The following LAMA2 variants were observed in gnomAD, a reference collection of about 807,000 sequenced individuals.
The protein encoded by LAMA2 is laminin subunit alpha-2.
Under a neutral mutation model 364.8 loss-of-function variants are expected in LAMA2, and 269 were observed. That is an observed-to-expected ratio of 0.74 (90% CI 0.67 to 0.82). LAMA2 has a LOEUF of 0.82. Among genes scored for constraint, LAMA2 ranks in the 40% least tolerant of loss-of-function variants. LAMA2 has a pLI of 0.00. For missense variants in LAMA2, 3,807 were observed against 3,873.2 expected (o/e 0.98, Z 0.45); for synonymous variants, 1,379 against 1,370.6 (o/e 1.01, Z -0.14).
chr6:129,217,793 G>A (rs988479817), intron 12 of LAMA2, among the ~76,000 whole-genome samples: 2 of 152,158 alleles, frequency 1.3e-5, no homozygotes, highest in African/African-American at 4.8e-5. Flanking sequence ...ACTGTGGATA[G>A]TCATTCATAG....
At chr6:128,961,359 ATATATATATT>A (rs1359956601) in intron 1 of LAMA2, among the ~76,000 whole-genome samples, 1 of 94,534 alleles carries the variant, frequency 1.1e-5, no homozygotes, top group African/African-American at 4.8e-5. Flanking sequence ...ATATATATAT[ATATATATATT>A]AGTTTATTAA....
At chr6:129,082,694 G>A (rs1774138664) in intron 3 of LAMA2, among the ~76,000 whole-genome samples, 1 of 151,912 alleles carries the variant, frequency 6.6e-6, no homozygotes, top group Non-Finnish European at 1.5e-5. Flanking sequence ...TGAATATCTT[G>A]AGACTAGCTT....
chr6:129,252,995 C>T (rs1224535019), intron 14 of LAMA2, among the ~76,000 whole-genome samples: 2 of 152,196 alleles, frequency 1.3e-5, no homozygotes. Flanking sequence ...GGAAAGTACT[C>T]ATCACCTAGA....
intron 40 of LAMA2, among the ~76,000 whole-genome samples, chr6:129,425,327 A>C (rs1781272150): frequency 6.6e-6 from 1 of 151,978 alleles, no homozygotes; most frequent in African/African-American, 2.4e-5. Flanking sequence ...CAATTTCCAC[A>C]ACTTAGATTT....
At chr6:129,021,532 T>G (rs1785450224) in intron 1 of LAMA2, among the ~76,000 whole-genome samples, 1 of 152,212 alleles carries the variant, frequency 6.6e-6, no homozygotes, top group Admixed American at 6.5e-5. Flanking sequence ...TTATTTTTCT[T>G]CAATTTGCTA....
At chr6:128,929,027 A>G in intron 1 of LAMA2, 1 of 1,418,980 alleles carries the variant, frequency 7.0e-7, no homozygotes, top group Non-Finnish European at 9.9e-7. Flanking sequence ...ATATGCATTC[A>G]AGAAGCCAAT....
At chr6:129,067,611 A>G (rs1027658173) in intron 3 of LAMA2, among the ~76,000 whole-genome samples, 1 of 152,198 alleles carries the variant, frequency 6.6e-6, no homozygotes, top group African/African-American at 2.4e-5. Context: ...AAAAGTCTCT[A>G]CTGGTTTTCC....
intron 10 of LAMA2, among the ~76,000 whole-genome samples, chr6:129,187,444 T>C (rs1344486795): frequency 6.6e-6 from 1 of 151,790 alleles, no homozygotes; most frequent in Non-Finnish European, 1.5e-5. Flanking sequence ...TGCCAATGTC[T>C]CACATTTTAT....
intron 40 of LAMA2, among the ~76,000 whole-genome samples, chr6:129,409,116 A>G (rs1454903346): frequency 2.0e-5 from 3 of 152,198 alleles, no homozygotes; most frequent in African/African-American, 7.2e-5. Flanking sequence ...CTTCCAAGCA[A>G]GTGCACAACC....
chr6:128,914,019 A>T (rs1778148145), intron 1 of LAMA2, among the ~76,000 whole-genome samples: 1 of 152,158 alleles, frequency 6.6e-6, no homozygotes, highest in Admixed American at 6.5e-5. Flanking sequence ...AGAAATGGAG[A>T]TATAAAAAAT....
At chr6:129,480,993 A>C (rs1784318558) in intron 54 of LAMA2, among the ~76,000 whole-genome samples, 1 of 152,186 alleles carries the variant, frequency 6.6e-6, no homozygotes, top group Non-Finnish European at 1.5e-5. Flanking sequence ...AACAGTGATA[A>C]TCTTCTATAT....
chr6:129,413,836 A>G (rs1195241591), intron 40 of LAMA2, among the ~76,000 whole-genome samples: 1 of 152,134 alleles, frequency 6.6e-6, no homozygotes, highest in African/African-American at 2.4e-5. Flanking sequence ...CTAATTATCT[A>G]AGGTTTCTGC....
intron 21 of LAMA2, among the ~76,000 whole-genome samples, chr6:129,299,748 T>G (rs1325774401): frequency 2.6e-5 from 4 of 152,202 alleles, no homozygotes. Flanking sequence ...AAAGTATTTT[T>G]CTAAACACCT....
intron 1 of LAMA2, among the ~76,000 whole-genome samples, chr6:128,883,829 C>G (rs1311095263): frequency 8.4e-6 from 1 of 119,672 alleles, no homozygotes; most frequent in Non-Finnish European, 1.8e-5. Flanking sequence ...CACACACACA[C>G]ACACACATAT....
intron 1 of LAMA2, among the ~76,000 whole-genome samples, chr6:128,911,243 C>T (rs988911458): frequency 6.6e-6 from 1 of 152,212 alleles, no homozygotes; most frequent in African/African-American, 2.4e-5. Flanking sequence ...AGCCTCGCTG[C>T]CGCCTTGCAG....
At chr6:128,920,881 A>G (rs1554324516) in intron 1 of LAMA2, among the ~76,000 whole-genome samples, 1 of 152,176 alleles carries the variant, frequency 6.6e-6, no homozygotes, top group Non-Finnish European at 1.5e-5. Context: ...GAAGAAAAGA[A>G]AGAGAGACCA....
At chr6:128,886,681 T>C (rs915557937) in intron 1 of LAMA2, among the ~76,000 whole-genome samples, 3 of 152,156 alleles carry the variant, frequency 2.0e-5, no homozygotes, top group Non-Finnish European at 4.4e-5. Flanking sequence ...GTCGTTATGT[T>C]AAAGAGGGAC....
At chr6:128,983,523 G>C (rs1783024710) in intron 1 of LAMA2, among the ~76,000 whole-genome samples, 1 of 152,180 alleles carries the variant, frequency 6.6e-6, no homozygotes, top group African/African-American at 2.4e-5. Flanking sequence ...AATGGCCACT[G>C]TCTTGAGGAA....
intron 1 of LAMA2, among the ~76,000 whole-genome samples, chr6:128,911,643 C>T (rs970941471): frequency 3.9e-5 from 6 of 152,140 alleles, no homozygotes; most frequent in Non-Finnish European, 8.8e-5. Flanking sequence ...TGTTCCTATT[C>T]GGCCATCTTG....
Sources: allele counts gnomAD v4.1 joint callset (sites outside exome capture counted in the v4.1 genomes callset), GRCh38; gene constraint gnomAD v4.1.1; transcripts MANE v1.5; gene names NCBI Gene and HGNC (gene_info 2026-07-23, HGNC 2026-07-21).